Variants in ANGPT1 observed in about 807,000 individuals in gnomAD.
The protein encoded by ANGPT1 is angiopoietin-1.
ANGPT1 carries 17 observed loss-of-function variants against 62.2 expected under a neutral mutation model. That is an observed-to-expected ratio of 0.27 (90% CI 0.19 to 0.41). ANGPT1 has a LOEUF of 0.41. Ranked by LOEUF, ANGPT1 falls within the 10% of genes least tolerant of loss-of-function variation. ANGPT1 has a pLI of 1.00. For synonymous variants in ANGPT1, 199 were observed against 198.9 expected (o/e 1.00, Z 0.00); for missense variants, 478 against 594.9 (o/e 0.80, Z 2.04).
intron 5 of ANGPT1, among the ~76,000 whole-genome samples, chr8:107,299,428 CAT>C (rs1814505592): frequency 8.4e-6 from 1 of 118,746 alleles, no homozygotes; most frequent in African/African-American, 3.1e-5. Flanking sequence ...TATAAACATA[CAT>C]ATATATACTA....
intron 7 of ANGPT1, among the ~76,000 whole-genome samples, chr8:107,270,448 T>G (rs1270329713): frequency 3.9e-5 from 6 of 152,040 alleles, no homozygotes; most frequent in Non-Finnish European, 8.8e-5. Flanking sequence ...CCTTCATGGT[T>G]CTCTTTCAGA....
At chr8:107,295,440 C>G (rs752180248) in intron 5 of ANGPT1, 1 of 152,012 alleles carries the variant, frequency 6.6e-6, no homozygotes, top group African/African-American at 2.4e-5. Flanking sequence ...TTGATTTACT[C>G]AACAACCATT....
chr8:107,381,732 G>T (rs1195249841), intron 1 of ANGPT1, among the ~76,000 whole-genome samples: 1 of 152,158 alleles, frequency 6.6e-6, no homozygotes, highest in African/African-American at 2.4e-5. Context: ...ATGTCAGAAA[G>T]GATCGTTATG....
chr8:107,444,876 A>G (rs532398271), intron 1 of ANGPT1, among the ~76,000 whole-genome samples: 24 of 152,316 alleles, frequency 1.6e-4, no homozygotes, highest in Admixed American at 6.5e-4. Flanking sequence ...GAGACCAAAC[A>G]ACAAACCAAA....
chr8:107,322,131 A>G lies in ANGPT1; in HGVS notation c.576-3T>C, dbSNP rs766834722. On this transcript the variant is annotated splice_polypyrimidine_tract_variant and splice_region_variant and intron_variant, in intron 3 of 8. Transcript: ENST00000517746. ...CTAAGATTTTATGTTCTAATAAACT[A>G]CAAGGAAGTGAAAATAAAACTTAGA... The G allele has an allele frequency of 6.3e-7, 1 of 1,590,592 alleles. No homozygotes were observed. The highest frequency in any genetic ancestry group is 8.6e-7 in the Non-Finnish European group (1 of 1,166,526).
intron 5 of ANGPT1, among the ~76,000 whole-genome samples, chr8:107,297,262 T>G (rs1814438279): frequency 6.6e-6 from 1 of 152,024 alleles, no homozygotes. Flanking sequence ...CAGCTGCTCT[T>G]TGTGTTATAT....
chr8:107,395,152 T>C (rs1015834259), intron 1 of ANGPT1, among the ~76,000 whole-genome samples: 2 of 152,192 alleles, frequency 1.3e-5, no homozygotes, highest in African/African-American at 4.8e-5. Context: ...CTGTTTTTCA[T>C]TTATTCACCA....
chr8:107,293,965 AAT>A lies in ANGPT1; in HGVS notation c.1007_1008del (p.Asp336ValfsTer9). The A allele has an allele frequency of 1.2e-6, 2 of 1,613,488 alleles. No individual in the cohort carries two copies. The highest frequency in any genetic ancestry group is 1.7e-6 in the Non-Finnish European group (2 of 1,179,730). On this transcript the variant is annotated frameshift_variant, in exon 6 of 9. Transcript: ENST00000517746. LOFTEE classifies it high-confidence loss of function. Reference protein sequence around the residue: ...VIQHREDGSLDFQRGWKEYKM... With the variant: ...VIQHREDGSLXFQRGWKEYKM... ...TTATATTCCTTCCAGCCTCTTTGGA[AAT>A]CTAGACTTCCATCTTCACGATGTTG...
intron 1 of ANGPT1, among the ~76,000 whole-genome samples, chr8:107,352,499 T>C (rs1377641219): frequency 6.6e-6 from 1 of 152,170 alleles, no homozygotes; most frequent in Non-Finnish European, 1.5e-5. Flanking sequence ...GGAGAGCTTT[T>C]ACTAGACTCT....
intron 2 of ANGPT1, 109 bp downstream of exon 2, chr8:107,346,833 T>C (rs941629029): frequency 4.5e-5 from 45 of 995,666 alleles, no homozygotes; most frequent in African/African-American, 9.6e-5. Flanking sequence ...AACAAAAATG[T>C]ATGTTTCCCT....
intron 1 of ANGPT1, among the ~76,000 whole-genome samples, chr8:107,457,666 T>C (rs972100716): frequency 6.6e-6 from 1 of 152,038 alleles, no homozygotes; most frequent in Non-Finnish European, 1.5e-5. Flanking sequence ...ATTTTTTATA[T>C]CTCATAGTCT....
intron 1 of ANGPT1, among the ~76,000 whole-genome samples, chr8:107,347,455 C>T (rs1815831053): frequency 6.6e-6 from 1 of 152,022 alleles, no homozygotes; most frequent in African/African-American, 2.4e-5. Context: ...TCAGAGAGGC[C>T]AGTGATAAAC....
chr8:107,398,998 A>T (rs767493585), intron 1 of ANGPT1, among the ~76,000 whole-genome samples: 6 of 152,212 alleles, frequency 3.9e-5, no homozygotes, highest in Non-Finnish European at 8.8e-5. Context: ...AATGTGTTTA[A>T]ACCAAGCAAA....
At chr8:107,464,888 C>T (rs532652624) in intron 1 of ANGPT1, among the ~76,000 whole-genome samples, 3 of 152,092 alleles carry the variant, frequency 2.0e-5, no homozygotes, top group Middle Eastern at 3.4e-3. Context: ...CTGTGCAGTG[C>T]ACAGGGAACT....
chr8:107,496,849 G>A (rs1422703656), intron 1 of ANGPT1, among the ~76,000 whole-genome samples: 1 of 152,038 alleles, frequency 6.6e-6, no homozygotes, highest in Non-Finnish European at 1.5e-5. Context: ...TGCCACCCCA[G>A]CGGCACAAAA....
rs145233456 is a variant in ANGPT1, at chr8:107,311,026, TGTGA to T, written c.809-7663_809-7660del. 4.4e-3 allele frequency among the ~76,000 whole-genome samples: 664 copies of T among 151,464 alleles called. 4 individuals are homozygous for T. Among genetic ancestry groups the T allele is most frequent in the African/African-American group, 0.015 (614 of 41,162 alleles). On this transcript the variant is annotated intron_variant, in intron 4 of 8. Coordinates refer to ENST00000517746, the MANE Select transcript of ANGPT1 (RefSeq NM_001146.5). ...GACTGTGTGTATGTATGTGAGTGTG[TGTGA>T]GTGTGTGTGTGTTCATCTTCTAGTA...
chr8:107,402,263 A>C (rs1456182211), intron 1 of ANGPT1, among the ~76,000 whole-genome samples: 1 of 152,158 alleles, frequency 6.6e-6, no homozygotes, highest in Non-Finnish European at 1.5e-5. Flanking sequence ...CTGTGTTGAA[A>C]GTCCACACTG....
chr8:107,333,165 CT>C (rs1221683747), intron 3 of ANGPT1, among the ~76,000 whole-genome samples: 1 of 151,902 alleles, frequency 6.6e-6, no homozygotes, highest in South Asian at 2.1e-4. Context: ...AAACACTTCT[CT>C]TTTTTTTAAG....
intron 5 of ANGPT1, among the ~76,000 whole-genome samples, chr8:107,298,043 A>AT (rs1339062229): frequency 1.3e-5 from 2 of 151,894 alleles, no homozygotes; most frequent in Non-Finnish European, 2.9e-5. Flanking sequence ...TATTGCATTT[A>AT]TTGATCATAT....
Sources: allele counts gnomAD v4.1 joint callset (sites outside exome capture counted in the v4.1 genomes callset), GRCh38; gene constraint gnomAD v4.1.1; transcripts MANE v1.5; gene names NCBI Gene and HGNC (gene_info 2026-07-23, HGNC 2026-07-21).